The following SHISA6 variants were observed in gnomAD, a reference collection of about 807,000 sequenced individuals.
SHISA6 encodes the protein protein shisa-6.
Under a neutral mutation model 47.9 loss-of-function variants are expected in SHISA6, and 22 were observed. The ratio of observed to expected loss-of-function variants is 0.46; its 90% CI spans 0.33 to 0.66. The LOEUF (loss-of-function observed/expected upper bound fraction) is 0.66. SHISA6 is among the 30% of genes least tolerant of loss of function. The pLI is 0.02. For synonymous variants in SHISA6, 388 were observed against 337.8 expected (o/e 1.15, Z -1.63); for missense variants, 680 against 764.6 (o/e 0.89, Z 1.30).
chr17:11,449,908 G>A (rs1049997149), intron 3 of SHISA6, among the ~76,000 whole-genome samples: 5 of 152,126 alleles, frequency 3.3e-5, no homozygotes, highest in African/African-American at 4.8e-5. Context: ...TCTTTGAGAC[G>A]GAGTCTCGCT....
intron 5 of SHISA6, among the ~76,000 whole-genome samples, chr17:11,557,415 C>G (rs1345510919): frequency 6.6e-6 from 1 of 152,174 alleles, no homozygotes; most frequent in African/African-American, 2.4e-5. Context: ...ACTGGGGATT[C>G]TGAGGAAGTC....
intron 2 of SHISA6, among the ~76,000 whole-genome samples, chr17:11,299,563 T>C (rs971928480): frequency 2.6e-5 from 4 of 152,204 alleles, no homozygotes; most frequent in African/African-American, 9.7e-5. Context: ...AGTCAAGATA[T>C]GTTAGGGCTG....
chr17:11,507,263 G>C (rs1026675290), intron 3 of SHISA6, among the ~76,000 whole-genome samples: 20 of 152,170 alleles, frequency 1.3e-4, no homozygotes, highest in Non-Finnish European at 2.9e-5. Flanking sequence ...CAGGCAGGCT[G>C]GGGAACAGAA....
intron 3 of SHISA6, among the ~76,000 whole-genome samples, chr17:11,423,843 TA>T (rs5819317): frequency 1.3e-5 from 2 of 151,392 alleles, no homozygotes; most frequent in Non-Finnish European, 2.9e-5. Flanking sequence ...AAGATCCTAT[TA>T]AAAAAAACAG....
intron 3 of SHISA6, among the ~76,000 whole-genome samples, chr17:11,481,621 T>A (rs1017615496): frequency 1.3e-5 from 2 of 150,750 alleles, no homozygotes; most frequent in Non-Finnish European, 2.9e-5. Context: ...GCCTCCAGAG[T>A]AGCTGGGACT....
intron 3 of SHISA6, among the ~76,000 whole-genome samples, chr17:11,487,935 G>C (rs534469495): frequency 2.0e-5 from 3 of 152,302 alleles, no homozygotes; most frequent in African/African-American, 7.2e-5. Flanking sequence ...GTTTGCCCAA[G>C]TTGCCTTGAA....
chr17:11,279,206 A>T (rs928263310), intron 2 of SHISA6, among the ~76,000 whole-genome samples: 24 of 152,190 alleles, frequency 1.6e-4, no homozygotes, highest in Admixed American at 1.4e-3. Context: ...CTCCAGGGCA[A>T]CCAGAGAAGC....
intron 2 of SHISA6, among the ~76,000 whole-genome samples, chr17:11,291,796 AC>A (rs1417502117): frequency 1.3e-5 from 2 of 152,028 alleles, no homozygotes; most frequent in East Asian, 3.9e-4. Context: ...TCATGTGGTC[AC>A]CCCTCTGTGT....
chr17:11,514,711 G>A (rs892056239), intron 3 of SHISA6, among the ~76,000 whole-genome samples: 4 of 152,198 alleles, frequency 2.6e-5, no homozygotes, highest in Non-Finnish European at 5.9e-5. Context: ...GGAACTCTTG[G>A]CCCTTGTGGG....
chr17:11,353,327 C>T (rs868006625), intron 2 of SHISA6, among the ~76,000 whole-genome samples: 26 of 151,722 alleles, frequency 1.7e-4, no homozygotes, highest in Non-Finnish European at 2.5e-4. Context: ...TGTGGTGGTG[C>T]GCACATGTAG....
At chr17:11,356,334 C>G (rs2142225177) in intron 2 of SHISA6, among the ~76,000 whole-genome samples, 1 of 152,278 alleles carries the variant, frequency 6.6e-6, no homozygotes, top group Non-Finnish European at 1.5e-5. Context: ...CAGCTGCCTT[C>G]AGGTAGTCCC....
chr17:11,394,050 A>G (rs61301355), intron 3 of SHISA6, among the ~76,000 whole-genome samples: 10,130 of 152,182 alleles, frequency 0.067, 1,007 homozygotes, highest in African/African-American at 0.22. Context: ...TACTCTTCAA[A>G]AAATTATTTT....
intron 2 of SHISA6, among the ~76,000 whole-genome samples, chr17:11,287,731 GGCTGGGA>G (rs1909370432): frequency 1.4e-5 from 2 of 145,506 alleles, no homozygotes; most frequent in Non-Finnish European, 3.0e-5. Context: ...GGGAGGAAGG[GGCTGGGA>G]AGGGAAGGGA....
intron 2 of SHISA6, among the ~76,000 whole-genome samples, chr17:11,295,766 A>G (rs1909730248): frequency 6.6e-6 from 1 of 152,034 alleles, no homozygotes; most frequent in Non-Finnish European, 1.5e-5. Flanking sequence ...GATTAAGACC[A>G]TCCTGGCTAA....
chr17:11,518,462 AACACATACACACATAC>A (rs373297957), intron 3 of SHISA6, among the ~76,000 whole-genome samples: 1 of 151,960 alleles, frequency 6.6e-6, no homozygotes, highest in Non-Finnish European at 1.5e-5. Context: ...CACACACACA[AACACATACACACATAC>A]ACACATACAC....
At chr17:11,524,383 CATAG>C (rs1475627760) in intron 3 of SHISA6, among the ~76,000 whole-genome samples, 3 of 151,976 alleles carry the variant, frequency 2.0e-5, no homozygotes, top group Non-Finnish European at 2.9e-5. Context: ...AGATTGAACT[CATAG>C]ATAAAAAATT....
At position 11,263,538 on chromosome 17, in the gene SHISA6, C is replaced by A; in HGVS notation, c.799+12C>A. On this transcript the variant is annotated intron_variant, in intron 2 of 5. Coordinates refer to ENST00000441885, the MANE Select transcript of SHISA6 (RefSeq NM_207386.4). The stretch of plus-strand genomic sequence containing the variant: ...CAAGCAGACTCCAGGTAAGTAACAG[C>A]TGGGCACCTTGATTCTTTGCTGAGG... 6.4e-7 allele frequency: 1 copy of A among 1,551,562 alleles called. No homozygotes were observed. Among genetic ancestry groups the A allele is most frequent in the Non-Finnish European group, 8.7e-7 (1 of 1,146,882 alleles).
At chr17:11,459,637 A>C (rs952298804) in intron 3 of SHISA6, among the ~76,000 whole-genome samples, 2 of 152,208 alleles carry the variant, frequency 1.3e-5, no homozygotes, top group Non-Finnish European at 2.9e-5. Flanking sequence ...GGTTCTGTGA[A>C]GGTCCACACT....
At chr17:11,425,360 A>G (rs1914582586) in intron 3 of SHISA6, among the ~76,000 whole-genome samples, 1 of 152,074 alleles carries the variant, frequency 6.6e-6, no homozygotes, top group South Asian at 2.1e-4. Context: ...CCCCTCTACC[A>G]CTAAGTGCCT....
Sources: allele counts gnomAD v4.1 joint callset (sites outside exome capture counted in the v4.1 genomes callset), GRCh38; gene constraint gnomAD v4.1.1; transcripts MANE v1.5; gene names NCBI Gene and HGNC (gene_info 2026-07-23, HGNC 2026-07-21).